Variants in RARB observed in about 807,000 individuals in gnomAD.
RARB encodes HBV-activated protein.
RARB carries 17 observed loss-of-function variants against 51.9 expected under a neutral mutation model. The observed-to-expected ratio is 0.33, with a 90% confidence interval of 0.22 to 0.49. The LOEUF (loss-of-function observed/expected upper bound fraction) is 0.49. Ranked by LOEUF, RARB falls within the 20% of genes least tolerant of loss-of-function variation. RARB has a pLI of 0.99. For missense variants in RARB, 369 were observed against 550.8 expected (o/e 0.67, Z 3.30); for synonymous variants, 215 against 195.4 (o/e 1.10, Z -0.84).
At chr3:25,390,192 C>T (rs1706910995) in intron 5 of RARB, among the ~76,000 whole-genome samples, 1 of 152,078 alleles carries the variant, frequency 6.6e-6, no homozygotes, top group African/African-American at 2.4e-5. Flanking sequence ...AATTCGCACC[C>T]TTATAAAAGA....
intron 5 of RARB, among the ~76,000 whole-genome samples, chr3:25,276,362 C>T (rs1363931790): frequency 6.6e-6 from 1 of 152,002 alleles, no homozygotes; most frequent in African/African-American, 2.4e-5. Context: ...CTGATTTGAT[C>T]ATTATACAAT....
intron 5 of RARB, among the ~76,000 whole-genome samples, chr3:25,250,442 G>A (rs990931177): frequency 6.6e-6 from 1 of 152,186 alleles, no homozygotes; most frequent in African/African-American, 2.4e-5. Flanking sequence ...TTCAGTGGCA[G>A]CAACCATAAA....
chr3:25,176,005 G>A (rs1700736515), intron 5 of RARB, among the ~76,000 whole-genome samples: 1 of 152,162 alleles, frequency 6.6e-6, no homozygotes, highest in South Asian at 2.1e-4. Flanking sequence ...TAACAAATGA[G>A]GAGGTCTAAA....
At chr3:25,401,402 T>C (rs1707259775) in intron 5 of RARB, among the ~76,000 whole-genome samples, 1 of 152,196 alleles carries the variant, frequency 6.6e-6, no homozygotes, top group Non-Finnish European at 1.5e-5. Context: ...ATATACAACG[T>C]TCCTCGCTCT....
In RARB at chr3:24,849,355, A is replaced by G. The variant is rs11927113; in HGVS notation, c.-458-9319A>G. On this transcript the variant is annotated intron_variant, in intron 1 of 11. Transcript: ENST00000383772. ...ATATGCCGCGTGTGTTCATGGACAA[A>G]GTGAGAATGGCTGTGCCTGTGGCAG... 6.7e-3 allele frequency among the ~76,000 whole-genome samples: 1,021 copies of G among 152,320 alleles called. 7 individuals are homozygous for G. Among genetic ancestry groups the G allele is most frequent in the African/African-American group, 0.023 (962 of 41,566 alleles).
At chr3:25,432,190 A>G (rs1708237766) in intron 1 of RARB, among the ~76,000 whole-genome samples, 1 of 152,220 alleles carries the variant, frequency 6.6e-6, no homozygotes, top group Admixed American at 6.5e-5. Flanking sequence ...AGATTCACAA[A>G]GTTTTCCTTC....
intron 5 of RARB, among the ~76,000 whole-genome samples, chr3:25,203,768 C>A (rs1650819561): frequency 2.0e-5 from 3 of 152,364 alleles, no homozygotes; most frequent in Admixed American, 2.0e-4. Context: ...CCCCCACTCT[C>A]TTCTGGCTTG....
intron 3 of RARB, among the ~76,000 whole-genome samples, chr3:25,533,999 C>T (rs1699031185): frequency 6.6e-6 from 1 of 152,178 alleles, no homozygotes; most frequent in African/African-American, 2.4e-5. Flanking sequence ...GCAATAAGTC[C>T]TTGCTCATGT....
chr3:25,334,161 A>C lies in RARB; in HGVS notation c.179-127032A>C, dbSNP rs1054901118. Among the ~76,000 whole-genome samples the C allele has an allele frequency of 3.3e-4, 50 of 152,236 alleles. 1 individual carries two copies. The highest frequency in any genetic ancestry group is 1.2e-3 in the African/African-American group (49 of 41,466). The stretch of plus-strand genomic sequence containing the variant: ...TAGAACTAGAAATACCATTTGACCC[A>C]GTCATCCTATTACTGGGTATATACC... On this transcript the variant is annotated intron_variant, in intron 5 of 11. Coordinates refer to the RARB transcript ENST00000383772.
intron 3 of RARB, among the ~76,000 whole-genome samples, chr3:25,530,801 T>C (rs1698868518): frequency 6.6e-6 from 1 of 152,190 alleles, no homozygotes; most frequent in African/African-American, 2.4e-5. Flanking sequence ...TGGACATCTT[T>C]GAGTGGGATG....
intron 3 of RARB, among the ~76,000 whole-genome samples, chr3:25,112,395 G>A (rs540960760): frequency 6.6e-6 from 1 of 152,144 alleles, no homozygotes; most frequent in South Asian, 2.1e-4. Context: ...TTTAAAATTT[G>A]ATATAAAATT....
chr3:25,091,806 G>C (rs976891559), intron 3 of RARB, among the ~76,000 whole-genome samples: 56 of 152,082 alleles, frequency 3.7e-4, no homozygotes, highest in Admixed American at 2.6e-4. Flanking sequence ...GTTTAATTTG[G>C]GGTTTATGTT....
chr3:24,885,766 T>G (rs903028024), intron 2 of RARB, among the ~76,000 whole-genome samples: 6 of 152,154 alleles, frequency 3.9e-5, no homozygotes, highest in African/African-American at 1.2e-4. Flanking sequence ...GGGTCTGCAG[T>G]CCCATTTAAT....
chr3:25,205,429 G>T (rs999611604), intron 5 of RARB, among the ~76,000 whole-genome samples: 1 of 152,110 alleles, frequency 6.6e-6, no homozygotes, highest in Non-Finnish European at 1.5e-5. Flanking sequence ...TGCATCCACT[G>T]TCCTGCACCC....
chr3:25,183,081 C>T (rs1700895306), intron 5 of RARB, among the ~76,000 whole-genome samples: 1 of 152,132 alleles, frequency 6.6e-6, no homozygotes. Context: ...GTGACAGCAA[C>T]TCTAGAAAAC....
intron 3 of RARB, among the ~76,000 whole-genome samples, chr3:25,536,691 T>C (rs773137287): frequency 6.6e-6 from 1 of 152,208 alleles, no homozygotes; most frequent in South Asian, 2.1e-4. Flanking sequence ...AAAAATAAAA[T>C]GCAGATGTGT....
At chr3:25,054,454 G>A (rs1291051450) in intron 2 of RARB, among the ~76,000 whole-genome samples, 2 of 152,150 alleles carry the variant, frequency 1.3e-5, no homozygotes, top group African/African-American at 4.8e-5. Context: ...GAGGTCCGCA[G>A]GAGAGCTGTG....
intron 4 of RARB, among the ~76,000 whole-genome samples, chr3:25,160,429 C>T (rs536018662): frequency 2.6e-5 from 4 of 152,256 alleles, no homozygotes; most frequent in African/African-American, 9.6e-5. Context: ...TGGCTTTGTC[C>T]CTGCTGCAGC....
At chr3:25,371,792 C>T (rs1196168535) in intron 5 of RARB, among the ~76,000 whole-genome samples, 1 of 152,156 alleles carries the variant, frequency 6.6e-6, no homozygotes, top group Non-Finnish European at 1.5e-5. Context: ...GTTCCCAGCT[C>T]GCAGGAGCTA....
Sources: allele counts gnomAD v4.1 joint callset (sites outside exome capture counted in the v4.1 genomes callset), GRCh38; gene constraint gnomAD v4.1.1; transcripts MANE v1.5; gene names NCBI Gene and HGNC (gene_info 2026-07-23, HGNC 2026-07-21).